The following ZBTB20 variants were observed in gnomAD, a reference collection of about 807,000 sequenced individuals.
ZBTB20 encodes the protein zinc finger and BTB domain containing 20, also known as zinc finger and BTB domain-containing protein 20.
A neutral mutation model predicts 56.9 loss-of-function variants in ZBTB20; 9 were observed. That is an observed-to-expected ratio of 0.16 (90% CI 0.10 to 0.28). ZBTB20 has a LOEUF of 0.28. ZBTB20 is among the 10% of genes least tolerant of loss of function. ZBTB20 has a pLI of 1.00. For synonymous variants in ZBTB20, 417 were observed against 420.7 expected, an observed-to-expected ratio of 0.99 and a Z score of 0.11; for missense variants, 655 against 1,003.0, an observed-to-expected ratio of 0.65 and a Z score of 4.69.
At position 115,007,369 on chromosome 3, in the gene ZBTB20, C is replaced by A. The variant is rs1231911816; in HGVS notation, c.-506-32953G>T. Among the ~76,000 whole-genome samples the A allele has an allele frequency of 5.9e-5, 9 of 151,634 alleles. No homozygotes were observed. In the East Asian group the frequency reaches 1.2e-3, roughly 20 times the overall value. ...ATAAAAAAAAGAGAAAGAGAAAAAACAGAAATTAGAGAATATTTTAAACAA... is the reference window on the plus strand; with the variant it reads ...ATAAAAAAAAGAGAAAGAGAAAAAAAAGAAATTAGAGAATATTTTAAACAA... On this transcript the variant is annotated intron_variant, in intron 2 of 11. Transcript: ENST00000675478.
At chr3:114,775,010 C>CTG (rs1334951389) in intron 5 of ZBTB20, among the ~76,000 whole-genome samples, 2 of 152,132 alleles carry the variant, frequency 1.3e-5, no homozygotes, top group South Asian at 4.1e-4. Flanking sequence ...TTGCTTTGCA[C>CTG]CTAGAGCTAT....
intron 6 of ZBTB20, among the ~76,000 whole-genome samples, chr3:114,622,117 T>C (rs540061100): frequency 6.6e-6 from 1 of 152,314 alleles, no homozygotes; most frequent in Admixed American, 6.5e-5. Context: ...GTGTTAGAGA[T>C]CTAGCTTGCC....
intron 5 of ZBTB20, among the ~76,000 whole-genome samples, chr3:114,712,449 G>T (rs1224070498): frequency 6.6e-6 from 1 of 152,040 alleles, no homozygotes; most frequent in African/African-American, 2.4e-5. Context: ...TCGGGAGTTT[G>T]AGACCAGTCT....
In ZBTB20 at chr3:114,543,844, T is replaced by C. The variant is rs757685278; in HGVS notation, c.-294-43453A>G. 6.8e-4 allele frequency among the ~76,000 whole-genome samples: 104 copies of C among 152,354 alleles called. 1 individual carries two copies. Among genetic ancestry groups the C allele is most frequent in the Non-Finnish European group, 8.8e-4 (60 of 68,034 alleles). ...TATAATAGCTTAACTCAAGAACTTT[T>C]GAAGTCTTTTTCTTCAAAGATTTTT... On this transcript the variant is annotated intron_variant, in intron 6 of 11. Transcript: ENST00000675478.
intron 4 of ZBTB20, among the ~76,000 whole-genome samples, chr3:114,897,509 G>A (rs1247624359): frequency 1.3e-5 from 2 of 152,086 alleles, no homozygotes; most frequent in Non-Finnish European, 2.9e-5. Context: ...AGGAATCCTA[G>A]GGCATAGGAA....
intron 5 of ZBTB20, among the ~76,000 whole-genome samples, chr3:114,720,904 G>C (rs2064866988): frequency 6.6e-6 from 1 of 152,140 alleles, no homozygotes. Context: ...GGTTTAGAGA[G>C]AAAATCATCA....
At chr3:114,805,597 A>C (rs1335032667) in intron 4 of ZBTB20, among the ~76,000 whole-genome samples, 1 of 151,454 alleles carries the variant, frequency 6.6e-6, no homozygotes. Flanking sequence ...AGTTTTAATA[A>C]ACATAACAGT....
chr3:114,390,753 C>T (rs1054773141), intron 7 of ZBTB20, among the ~76,000 whole-genome samples: 4 of 152,212 alleles, frequency 2.6e-5, no homozygotes, highest in Non-Finnish European at 4.4e-5. Flanking sequence ...TCCATTCATT[C>T]AGTGTTTATA....
intron 3 of ZBTB20, among the ~76,000 whole-genome samples, chr3:114,913,172 GTACTTA>G (rs1455452807): frequency 6.6e-6 from 1 of 151,922 alleles, no homozygotes; most frequent in East Asian, 1.9e-4. Context: ...GTTCTCCATA[GTACTTA>G]TACTTATTTA....
At chr3:114,580,800 A>G (rs2054569176) in intron 6 of ZBTB20, among the ~76,000 whole-genome samples, 1 of 151,936 alleles carries the variant, frequency 6.6e-6, no homozygotes. Flanking sequence ...TAGGATATGA[A>G]GATGATCACA....
At chr3:114,960,908 T>C (rs758652012) in intron 3 of ZBTB20, among the ~76,000 whole-genome samples, 6 of 151,840 alleles carry the variant, frequency 4.0e-5, no homozygotes, top group Non-Finnish European at 8.8e-5. Flanking sequence ...CATGACGCCA[T>C]GAAAAATAAG....
intron 1 of ZBTB20, among the ~76,000 whole-genome samples, chr3:115,146,969 G>A (rs949497989): frequency 2.7e-5 from 4 of 150,592 alleles, no homozygotes; most frequent in Non-Finnish European, 5.9e-5. Flanking sequence ...GCGCTAAGAA[G>A]GGCGCCGGGG....
intron 5 of ZBTB20, among the ~76,000 whole-genome samples, chr3:114,707,505 T>G (rs1457253506): frequency 6.6e-6 from 1 of 152,158 alleles, no homozygotes; most frequent in Non-Finnish European, 1.5e-5. Flanking sequence ...GTTTCAAATA[T>G]TCTCCCATTG....
intron 2 of ZBTB20, among the ~76,000 whole-genome samples, chr3:115,031,098 A>C (rs1413428573): frequency 6.6e-6 from 1 of 151,472 alleles, no homozygotes; most frequent in East Asian, 1.9e-4. Flanking sequence ...AATGATGAAG[A>C]GATGTATAGA....
At chr3:115,108,615 T>C (rs971942853) in intron 1 of ZBTB20, among the ~76,000 whole-genome samples, 3 of 152,212 alleles carry the variant, frequency 2.0e-5, no homozygotes, top group Admixed American at 6.5e-5. Context: ...CAGTCTTATA[T>C]AGTAGTAGAA....
chr3:114,509,179 C>T (rs1277896973), intron 6 of ZBTB20, among the ~76,000 whole-genome samples: 1 of 152,090 alleles, frequency 6.6e-6, no homozygotes, highest in Non-Finnish European at 1.5e-5. Flanking sequence ...CATCCACATT[C>T]CTATCACCAG....
chr3:114,812,481 T>G (rs1486775120), intron 4 of ZBTB20, among the ~76,000 whole-genome samples: 1 of 152,178 alleles, frequency 6.6e-6, no homozygotes, highest in African/African-American at 2.4e-5. Flanking sequence ...GAGTGCCGAT[T>G]GGTGTATTTA....
Position 114,335,549 on chromosome 3 carries a change from C to T in ZBTB20, c.*3456G>A, listed in dbSNP as rs1360276280. On this transcript the variant is annotated 3_prime_UTR_variant, in exon 12 of 12. Transcript: ENST00000675478. ...AAATGTGGGTCAGTTTGGAAAGTGG[C>T]CATTTGATGGGCCAGGAACATAGCA... The T allele has an allele frequency of 6.6e-6, 1 of 152,142 alleles. No homozygotes were observed. Among genetic ancestry groups the T allele is most frequent in the Non-Finnish European group, 1.5e-5 (1 of 68,012 alleles). 9.4% of individuals were successfully genotyped at this position (152,142 alleles called of 1,614,324 possible). A position where few individuals can be genotyped will look rare whatever the true frequency, so the allele number is the denominator to read the frequency against.
At chr3:114,494,916 C>T (rs2043117005) in intron 7 of ZBTB20, among the ~76,000 whole-genome samples, 1 of 152,158 alleles carries the variant, frequency 6.6e-6, no homozygotes, top group South Asian at 2.1e-4. Context: ...CTCGAAGATT[C>T]CAACACTTTG....
Sources: allele counts gnomAD v4.1 joint callset (sites outside exome capture counted in the v4.1 genomes callset), GRCh38; gene constraint gnomAD v4.1.1; transcripts MANE v1.5; gene names NCBI Gene and HGNC (gene_info 2026-07-23, HGNC 2026-07-21).